Variants in NRXN1 observed in about 807,000 individuals in gnomAD.
NRXN1 encodes the protein neurexin 1.
A neutral mutation model predicts 150.9 loss-of-function variants in NRXN1; 39 were observed. The observed-to-expected ratio is 0.26, with a 90% confidence interval of 0.20 to 0.34. NRXN1 has a LOEUF of 0.34. Among genes scored for constraint, NRXN1 ranks in the 10% least tolerant of loss-of-function variants. The probability of loss-of-function intolerance (pLI) is 1.00; values close to 1 mark genes in which losing one functional copy is unlikely to be tolerated. For missense variants in NRXN1, 1,815 were observed against 1,949.9 expected (o/e 0.93, Z 1.30); for synonymous variants, 924 against 757.0 (o/e 1.22, Z -3.62).
intron 5 of NRXN1, chr2:50,739,235 A>C (rs1346505875): frequency 4.0e-6 from 2 of 503,706 alleles, no homozygotes; most frequent in African/African-American, 3.9e-5. Flanking sequence ...CACTGGGTTC[A>C]TTGAGGATAT....
At chr2:50,618,022 T>G (rs1266157931) in intron 8 of NRXN1, among the ~76,000 whole-genome samples, 1 of 152,016 alleles carries the variant, frequency 6.6e-6, no homozygotes, top group African/African-American at 2.4e-5. Context: ...TGCCCAAGAG[T>G]TCTTTAGTTA....
At chr2:50,928,416 T>C (rs1687243225) in intron 2 of NRXN1, among the ~76,000 whole-genome samples, 1 of 152,026 alleles carries the variant, frequency 6.6e-6, no homozygotes, top group African/African-American at 2.4e-5. Flanking sequence ...TAACTTTACA[T>C]AATTTAAAAC....
At chr2:50,643,366 G>A (rs2011492876) in intron 5 of NRXN1, among the ~76,000 whole-genome samples, 1 of 151,848 alleles carries the variant, frequency 6.6e-6, no homozygotes, top group Admixed American at 6.6e-5. Context: ...TATTAGCATG[G>A]AGCCTGGCCT....
At chr2:50,142,888 T>G (rs1304406099) in intron 18 of NRXN1, among the ~76,000 whole-genome samples, 2 of 151,790 alleles carry the variant, frequency 1.3e-5, no homozygotes, top group Non-Finnish European at 2.9e-5. Context: ...GCATAGAACC[T>G]ACAAAGAATA....
intron 17 of NRXN1, among the ~76,000 whole-genome samples, chr2:50,282,136 A>G (rs1005085812): frequency 4.6e-5 from 7 of 152,164 alleles, no homozygotes; most frequent in African/African-American, 1.7e-4. Context: ...TTGGAGCACT[A>G]CGTCAGAAGT....
At chr2:50,938,780 G>C (rs1688934254) in intron 2 of NRXN1, among the ~76,000 whole-genome samples, 1 of 152,118 alleles carries the variant, frequency 6.6e-6, no homozygotes, top group Non-Finnish European at 1.5e-5. Context: ...TGACCCAATG[G>C]TAAAATCAGG....
chr2:50,251,324 T>G (rs2067051724), intron 17 of NRXN1, among the ~76,000 whole-genome samples: 1 of 151,924 alleles, frequency 6.6e-6, no homozygotes, highest in African/African-American at 2.4e-5. Context: ...GGATAATGGC[T>G]TCCAGCTCCA....
At chr2:49,932,941 G>C (rs1410903446) in intron 22 of NRXN1, among the ~76,000 whole-genome samples, 3 of 152,106 alleles carry the variant, frequency 2.0e-5, no homozygotes, top group Non-Finnish European at 4.4e-5. Flanking sequence ...ACTCAGGTCT[G>C]TCTATGGCTA....
At chr2:50,179,391 T>A (rs1279645801) in intron 18 of NRXN1, among the ~76,000 whole-genome samples, 2 of 152,142 alleles carry the variant, frequency 1.3e-5, no homozygotes, top group Non-Finnish European at 2.9e-5. Context: ...AATTACCTGT[T>A]TTTCTTTTGT....
At chr2:50,800,895 A>C (rs1707499164) in intron 5 of NRXN1, among the ~76,000 whole-genome samples, 1 of 152,136 alleles carries the variant, frequency 6.6e-6, no homozygotes, top group Admixed American at 6.6e-5. Context: ...CTTCATTTTT[A>C]ATGACATTTG....
intron 2 of NRXN1, among the ~76,000 whole-genome samples, chr2:51,026,909 T>C (rs905882332): frequency 1.3e-5 from 2 of 152,182 alleles, no homozygotes; most frequent in East Asian, 1.9e-4. Flanking sequence ...TTTCCCTTTT[T>C]CCACAACGAA....
At chr2:50,779,652 C>T (rs1704094740) in intron 5 of NRXN1, among the ~76,000 whole-genome samples, 1 of 152,068 alleles carries the variant, frequency 6.6e-6, no homozygotes, top group Non-Finnish European at 1.5e-5. Context: ...CCTGTAGTCC[C>T]AGCTACTTGG....
intron 5 of NRXN1, among the ~76,000 whole-genome samples, chr2:50,696,794 T>G (rs969226090): frequency 6.6e-5 from 10 of 152,164 alleles, no homozygotes; most frequent in African/African-American, 2.4e-4. Context: ...TTACTAAGTT[T>G]CATATACTAC....
intron 21 of NRXN1, among the ~76,000 whole-genome samples, chr2:50,032,925 A>G (rs992700427): frequency 6.6e-6 from 1 of 151,052 alleles, no homozygotes; most frequent in African/African-American, 2.4e-5. Context: ...GTTTTCTTTT[A>G]TACACACACA....
chr2:50,192,354 A>T (rs1181941237), intron 18 of NRXN1, among the ~76,000 whole-genome samples: 1 of 152,170 alleles, frequency 6.6e-6, no homozygotes, highest in East Asian at 1.9e-4. Context: ...CTGTAATTAC[A>T]ATACTTGTCT....
Position 50,844,047 on chromosome 2 carries a change from G to A in NRXN1, c.832+77822C>T, listed in dbSNP as rs555412757. ...CTCTCACTGAAGGAAGCAATGTGTC[G>A]TGAGAAACACGCTCACCTGTCCAAA... On this transcript the variant is annotated intron_variant, in intron 5 of 22. Coordinates refer to ENST00000401669, the MANE Select transcript of NRXN1 (RefSeq NM_001330078.2). Among the ~76,000 whole-genome samples, 12 of 152,220 alleles carry A rather than the reference G, an allele frequency of 7.9e-5. No individual in the cohort carries two copies. In the East Asian group the frequency reaches 1.9e-3, roughly 25 times the overall value.
In NRXN1 at chr2:50,241,300, T is replaced by G. The variant is rs572392103; in HGVS notation, c.3365-4330A>C. The stretch of plus-strand genomic sequence containing the variant: ...CAGCTAGCTTTTTAAAAATTTTATC[T>G]TTACAGAAACATGTTTTATTTTACT... On this transcript the variant is annotated intron_variant, in intron 17 of 22. Coordinates refer to ENST00000401669, the MANE Select transcript of NRXN1 (RefSeq NM_001330078.2). Among the ~76,000 whole-genome samples, 3 of 151,800 alleles carry G rather than the reference T, an allele frequency of 2.0e-5. 1 individual carries two copies. The highest frequency in any genetic ancestry group is 4.4e-5 in the Non-Finnish European group (3 of 67,812).
intron 12 of NRXN1, among the ~76,000 whole-genome samples, chr2:50,508,405 T>A (rs1035684215): frequency 9.0e-6 from 1 of 111,206 alleles, no homozygotes; most frequent in Non-Finnish European, 2.1e-5. Flanking sequence ...TGAAAGCAAG[T>A]TCCAGGATGA....
At chr2:50,912,160 A>C (rs922109252) in intron 5 of NRXN1, 4 of 151,906 alleles carry the variant, frequency 2.6e-5, no homozygotes, top group African/African-American at 9.7e-5. Flanking sequence ...CAAATCAATG[A>C]GTTGATAGCA....
Sources: allele counts gnomAD v4.1 joint callset (sites outside exome capture counted in the v4.1 genomes callset), GRCh38; gene constraint gnomAD v4.1.1; transcripts MANE v1.5; gene names NCBI Gene and HGNC (gene_info 2026-07-23, HGNC 2026-07-21).